The following BBX variants were observed in gnomAD, a reference collection of about 807,000 sequenced individuals.
BBX encodes the protein HMG box transcription factor BBX.
BBX carries 30 observed loss-of-function variants against 100.2 expected under a neutral mutation model. That is an observed-to-expected ratio of 0.30 (90% confidence interval 0.22 to 0.41). The LOEUF (loss-of-function observed/expected upper bound fraction) is 0.41, where lower values mean the gene tolerates loss of function less well. Ranked by LOEUF, BBX falls within the 10% of genes least tolerant of loss-of-function variation. The pLI, the probability that BBX is intolerant of heterozygous loss-of-function variation, is 1.00. For synonymous variants in BBX, 376 were observed against 388.1 expected, an observed-to-expected ratio of 0.97 and a Z score of 0.37; for missense variants, 1,023 against 1,129.8, an observed-to-expected ratio of 0.91 and a Z score of 1.35.
intron 4 of BBX, 51 bp downstream of exon 4, chr3:107,710,673 A>C: frequency 1.4e-6 from 2 of 1,475,024 alleles, no homozygotes; most frequent in Non-Finnish European, 1.8e-6. Context: ...AGCAAATCAT[A>C]ATCTAGAAAC....
intron 10 of BBX, among the ~76,000 whole-genome samples, chr3:107,763,285 C>T (rs530998224): frequency 2.7e-4 from 40 of 149,096 alleles, no homozygotes; most frequent in South Asian, 8.6e-4. Flanking sequence ...AGTGCGGTGG[C>T]GCGATCTCGG....
Position 107,700,832 on chromosome 3 carries a change from G to A in BBX, c.-9-9620G>A, listed in dbSNP as rs1342372742. 9.2e-5 allele frequency among the ~76,000 whole-genome samples: 14 copies of A among 151,838 alleles called. No individual in the cohort carries two copies. In the South Asian group the frequency reaches 1.9e-3, roughly 20 times the overall value. On this transcript the variant is annotated intron_variant, in intron 3 of 17. Coordinates refer to ENST00000325805, the MANE Select transcript of BBX (RefSeq NM_001142568.3). The stretch of plus-strand genomic sequence containing the variant: ...ATATGTGCCACATTTTCTTAATCCA[G>A]TCGATCATTGTTGGACATTTGGGTT...
intron 2 of BBX, among the ~76,000 whole-genome samples, chr3:107,554,104 G>A (rs370496010): frequency 4.6e-5 from 7 of 152,168 alleles, no homozygotes; most frequent in Admixed American, 6.5e-5. Context: ...AATTGAATAC[G>A]CGTGTAGAGA....
chr3:107,798,526 T>C lies in BBX; in HGVS notation c.2357T>C (p.Ile786Thr), dbSNP rs765949396. 3.1e-6 allele frequency: 5 copies of C among 1,613,568 alleles called. No individual in the cohort carries two copies. The highest frequency in any genetic ancestry group is 4.2e-6 in the Non-Finnish European group (5 of 1,179,506). The change falls in exon 16 of 18, where the codon ATA (isoleucine) becomes ACA (threonine). Residue 786 changes from isoleucine to threonine, a missense_variant. Physicochemically the swap from Ile to Thr is moderately conservative, Grantham distance 89. Around this residue, in one of 9 missense-constraint regions of BBX, gnomAD observed 215 missense variants for 211.3 expected, o/e 1.02. Coordinates refer to ENST00000325805, the MANE Select transcript of BBX (RefSeq NM_001142568.3). ...FLDAIHPTEA[I>T]FSEDRNTMEP... ...TGCATGGTATTTCCTATTTCAGCCA[T>C]ATTTTCAGAAGACAGAAACACCATG...
intron 2 of BBX, among the ~76,000 whole-genome samples, chr3:107,617,067 T>C (rs147424726): frequency 6.6e-6 from 1 of 152,334 alleles, no homozygotes; most frequent in Non-Finnish European, 1.5e-5. Flanking sequence ...TTAATTTTTG[T>C]ATGAGTTGAT....
At chr3:107,797,148 T>A (rs2069762215) in intron 15 of BBX, among the ~76,000 whole-genome samples, 1 of 151,804 alleles carries the variant, frequency 6.6e-6, no homozygotes, top group Admixed American at 6.6e-5. Flanking sequence ...GGTGCCATGA[T>A]TTCCAGGACA....
Position 107,529,105 on chromosome 3 carries a change from T to C in BBX, c.-84+2707T>C, listed in dbSNP as rs78455952. ...TACAGGAAGTCCCTGAAGTTATTAT[T>C]AGTGTCTTAAAAAAGTATATAAAAT... On this transcript the variant is annotated intron_variant, in intron 2 of 17. Coordinates refer to ENST00000325805, the MANE Select transcript of BBX (RefSeq NM_001142568.3). Among the ~76,000 whole-genome samples, 8 of 152,354 alleles carry C rather than the reference T, an allele frequency of 5.3e-5. No individual in the cohort carries two copies. The East Asian group carries it at 1.3e-3, about 26-fold the overall frequency.
intron 2 of BBX, among the ~76,000 whole-genome samples, chr3:107,553,496 G>A (rs79977792): frequency 8.3e-4 from 127 of 152,224 alleles, no homozygotes; most frequent in African/African-American, 2.6e-3. Flanking sequence ...GCTTTTTAAC[G>A]TATGGGCTAA....
At chr3:107,729,879 T>C (rs1053767177) in intron 6 of BBX, among the ~76,000 whole-genome samples, 5 of 152,208 alleles carry the variant, frequency 3.3e-5, no homozygotes, top group African/African-American at 1.2e-4. Context: ...AGTGTGTGAT[T>C]CATACCATGT....
chr3:107,747,688 A>C (rs2064740983), intron 8 of BBX, among the ~76,000 whole-genome samples: 1 of 151,838 alleles, frequency 6.6e-6, no homozygotes, highest in South Asian at 2.1e-4. Context: ...ATTTATGTCA[A>C]CAGGTCTCCT....
At chr3:107,769,219 TAGATAGATAGAC>T (rs1246971184) in intron 10 of BBX, among the ~76,000 whole-genome samples, 1,936 of 137,528 alleles carry the variant, frequency 0.014, 26 homozygotes, top group South Asian at 0.017. Flanking sequence ...GATAGATAGA[TAGATAGATAGAC>T]AGATAGATAG....
chr3:107,722,485 A>G (rs1192357961), intron 5 of BBX, among the ~76,000 whole-genome samples: 1 of 152,020 alleles, frequency 6.6e-6, no homozygotes, highest in East Asian at 1.9e-4. Flanking sequence ...TACTTGTAAA[A>G]AAACTACTAT....
At chr3:107,572,437 G>C (rs1032702535) in intron 2 of BBX, among the ~76,000 whole-genome samples, 1 of 152,118 alleles carries the variant, frequency 6.6e-6, no homozygotes. Context: ...AATGCCTGAA[G>C]CTGATTGGAG....
At chr3:107,751,040 A>G (rs2065036699) in intron 9 of BBX, among the ~76,000 whole-genome samples, 1 of 152,226 alleles carries the variant, frequency 6.6e-6, no homozygotes, top group Non-Finnish European at 1.5e-5. Flanking sequence ...CAAGTTTCCT[A>G]TTAGAGAACC....
intron 2 of BBX, among the ~76,000 whole-genome samples, chr3:107,595,483 C>T (rs1413926330): frequency 1.3e-5 from 2 of 152,118 alleles, no homozygotes; most frequent in East Asian, 1.9e-4. Context: ...ACTGAAGCTT[C>T]GGACTATCAA....
intron 3 of BBX, among the ~76,000 whole-genome samples, chr3:107,670,375 A>G (rs943726165): frequency 6.6e-6 from 1 of 152,112 alleles, no homozygotes; most frequent in African/African-American, 2.4e-5. Context: ...CTGTTGAATG[A>G]CTGTAGTTAA....
At chr3:107,700,426 T>C (rs949126550) in intron 3 of BBX, among the ~76,000 whole-genome samples, 105 of 145,044 alleles carry the variant, frequency 7.2e-4, no homozygotes, top group Middle Eastern at 3.7e-3. Flanking sequence ...TTATTATTAT[T>C]ATTATTATTA....
chr3:107,596,541 T>G (rs1325730898), intron 2 of BBX, among the ~76,000 whole-genome samples: 2 of 152,162 alleles, frequency 1.3e-5, no homozygotes, highest in African/African-American at 4.8e-5. Flanking sequence ...AGCTAGGAAT[T>G]GAACCCAGCT....
intron 12 of BBX, among the ~76,000 whole-genome samples, chr3:107,777,705 G>A (rs2067438706): frequency 6.6e-6 from 1 of 152,124 alleles, no homozygotes; most frequent in Non-Finnish European, 1.5e-5. Flanking sequence ...TTAAGTTAAA[G>A]CATGTTGCCT....
Sources: gnomAD v4.1 joint callset for allele counts (sites outside exome capture counted in the v4.1 genomes callset) on GRCh38, gnomAD v4.1.1 for gene constraint, gnomAD v4.1.1 regional missense constraint, MANE v1.5 for transcripts, NCBI Gene and HGNC (gene_info 2026-07-23, HGNC 2026-07-21) for gene names.